Variants in SGCZ observed in about 807,000 individuals in gnomAD.
SGCZ encodes the protein zeta-sarcoglycan.
A neutral mutation model predicts 41.3 loss-of-function variants in SGCZ; 40 were observed. That is an observed-to-expected ratio of 0.97 (90% CI 0.75 to 1.26). SGCZ has a LOEUF of 1.26. Among genes scored for constraint, SGCZ ranks in the 50% most tolerant of loss-of-function variants. The pLI is 0.00. For missense variants in SGCZ, 552 were observed against 369.8 expected, an observed-to-expected ratio of 1.49 and a Z score of -4.04; for synonymous variants, 206 against 137.5, an observed-to-expected ratio of 1.50 and a Z score of -3.49.
chr8:15,106,395 C>A (rs561463384), intron 1 of SGCZ, among the ~76,000 whole-genome samples: 3 of 151,938 alleles, frequency 2.0e-5, no homozygotes, highest in Admixed American at 2.0e-4. Flanking sequence ...ACAAATGAGC[C>A]TTTTCATTGA....
chr8:14,479,701 C>A (rs1346656644), intron 2 of SGCZ, among the ~76,000 whole-genome samples: 1 of 149,496 alleles, frequency 6.7e-6, no homozygotes, highest in East Asian at 2.0e-4. Flanking sequence ...TTTCTTTACC[C>A]CCAGGTCGCA....
intron 2 of SGCZ, 89 bp downstream of exon 2, chr8:14,554,643 G>A (rs533160979): frequency 6.1e-4 from 640 of 1,045,420 alleles, no homozygotes; most frequent in Non-Finnish European, 8.3e-4. Context: ...ATATTGATAT[G>A]AATAACTTTT....
chr8:14,355,750 G>A (rs951565989), intron 2 of SGCZ, among the ~76,000 whole-genome samples: 1 of 151,894 alleles, frequency 6.6e-6, no homozygotes, highest in Admixed American at 6.6e-5. Flanking sequence ...ACAGTGTCTG[G>A]CATACTCAGT....
chr8:14,346,321 A>G lies in SGCZ; in HGVS notation c.235-22117T>C, dbSNP rs545111337. 1.3e-4 allele frequency among the ~76,000 whole-genome samples: 20 copies of G among 152,236 alleles called. No homozygotes were observed. The East Asian group carries it at 3.3e-3, about 25-fold the overall frequency. The stretch of plus-strand genomic sequence containing the variant: ...ACTGTAGTATTTTAATATCTTTGAG[A>G]TAAAATATACATTAGGAAACAAGGA... On this transcript the variant is annotated intron_variant, in intron 2 of 7. Coordinates refer to ENST00000382080, the MANE Select transcript of SGCZ (RefSeq NM_139167.4).
chr8:14,659,037 C>A (rs1807665577), intron 1 of SGCZ, among the ~76,000 whole-genome samples: 1 of 151,982 alleles, frequency 6.6e-6, no homozygotes, highest in Non-Finnish European at 1.5e-5. Context: ...ACTATGAGCT[C>A]AATCTTTATT....
At chr8:14,093,977 G>A (rs1368106370) in intron 7 of SGCZ, among the ~76,000 whole-genome samples, 1 of 151,700 alleles carries the variant, frequency 6.6e-6, no homozygotes, top group Non-Finnish European at 1.5e-5. Flanking sequence ...TATAGAATAG[G>A]GCATGGAATT....
rs533637641 is a variant in SGCZ, at chr8:14,262,121, G to C, written c.337-24442C>G. ...ATCACATGAGTATCAATTAGCAAAT[G>C]ACTATATTTACTGATATGCATTAAG... On this transcript the variant is annotated intron_variant, in intron 3 of 7. Coordinates refer to ENST00000382080, the MANE Select transcript of SGCZ (RefSeq NM_139167.4). Among the ~76,000 whole-genome samples, 31 of 152,228 alleles carry C rather than the reference G, an allele frequency of 2.0e-4. No individual in the cohort carries two copies. In the South Asian group the frequency reaches 5.4e-3, roughly 26 times the overall value.
intron 1 of SGCZ, among the ~76,000 whole-genome samples, chr8:15,052,608 A>G (rs1804554854): frequency 1.3e-5 from 2 of 151,990 alleles, no homozygotes; most frequent in African/African-American, 2.4e-5. Context: ...CGTCATGTGG[A>G]GATGTTCCCT....
At chr8:14,487,376 T>A (rs1161219244) in intron 2 of SGCZ, among the ~76,000 whole-genome samples, 5 of 151,926 alleles carry the variant, frequency 3.3e-5, no homozygotes, top group African/African-American at 1.2e-4. Flanking sequence ...TATAATATAT[T>A]ATGAGACAAA....
intron 3 of SGCZ, among the ~76,000 whole-genome samples, chr8:14,270,246 C>T (rs1166631999): frequency 6.6e-6 from 1 of 151,976 alleles, no homozygotes; most frequent in African/African-American, 2.4e-5. Context: ...GCAGGAGAAT[C>T]ACTAGAACCT....
chr8:14,770,429 T>C (rs1800195003), intron 1 of SGCZ, among the ~76,000 whole-genome samples: 1 of 151,680 alleles, frequency 6.6e-6, no homozygotes, highest in Non-Finnish European at 1.5e-5. Context: ...CAGTATATTA[T>C]TTGGGGGTGG....
intron 1 of SGCZ, among the ~76,000 whole-genome samples, chr8:15,135,649 G>A (rs1007523628): frequency 6.6e-6 from 1 of 152,176 alleles, no homozygotes. Context: ...TCTGTATTTT[G>A]ATTAAGGTAA....
chr8:14,176,710 G>A (rs1294919915), intron 4 of SGCZ, among the ~76,000 whole-genome samples: 1 of 152,136 alleles, frequency 6.6e-6, no homozygotes, highest in Non-Finnish European at 1.5e-5. Context: ...GTGGGTGGGG[G>A]GCCAAGAACA....
intron 1 of SGCZ, among the ~76,000 whole-genome samples, chr8:14,660,162 A>T (rs1899368): frequency 0.19 from 29,146 of 152,120 alleles, 3,521 homozygotes; most frequent in East Asian, 0.44. Flanking sequence ...CCAGAATACA[A>T]TATTGCATGT....
chr8:14,442,469 G>A (rs62499702), intron 2 of SGCZ, among the ~76,000 whole-genome samples: 5 of 152,066 alleles, frequency 3.3e-5, no homozygotes, highest in African/African-American at 9.6e-5. Context: ...TATCAGGTAT[G>A]TCTTTAATAG....
At chr8:14,896,807 C>A (rs942466331) in intron 1 of SGCZ, among the ~76,000 whole-genome samples, 4 of 149,242 alleles carry the variant, frequency 2.7e-5, no homozygotes, top group African/African-American at 9.9e-5. Flanking sequence ...GACACAGAGT[C>A]TTGCTCTGTC....
In SGCZ at chr8:14,308,034, C is replaced by T. The variant is rs550543498; in HGVS notation, c.336+16069G>A. Among the ~76,000 whole-genome samples, 139 of 152,076 alleles carry T rather than the reference C, an allele frequency of 9.1e-4. 1 individual carries two copies. The highest frequency in any genetic ancestry group is 1.7e-3 in the Non-Finnish European group (118 of 67,990). The stretch of plus-strand genomic sequence containing the variant: ...CATGACCAAGGAAAGAACTTTCATA[C>T]GATTCGGGGGAACAATATCTTAGTA... On this transcript the variant is annotated intron_variant, in intron 3 of 7. Coordinates refer to ENST00000382080, the MANE Select transcript of SGCZ (RefSeq NM_139167.4).
chr8:14,323,005 G>T (rs532275771), intron 3 of SGCZ, among the ~76,000 whole-genome samples: 1 of 152,148 alleles, frequency 6.6e-6, no homozygotes, highest in East Asian at 1.9e-4. Context: ...TCATACATCT[G>T]TCTACTGTGT....
intron 2 of SGCZ, among the ~76,000 whole-genome samples, chr8:14,522,057 G>T (rs1802807095): frequency 6.6e-6 from 1 of 152,020 alleles, no homozygotes; most frequent in African/African-American, 2.4e-5. Context: ...AGTTAACCTG[G>T]TAGGTTACAT....
Sources: allele counts gnomAD v4.1 joint callset (sites outside exome capture counted in the v4.1 genomes callset), GRCh38; gene constraint gnomAD v4.1.1; transcripts MANE v1.5; gene names NCBI Gene and HGNC (gene_info 2026-07-23, HGNC 2026-07-21).